The following SGCD variants were observed in gnomAD, a reference collection of about 807,000 sequenced individuals.
SGCD encodes sarcoglycan delta.
Under a neutral mutation model 36.6 loss-of-function variants are expected in SGCD, and 18 were observed. The ratio of observed to expected loss-of-function variants is 0.49; its 90% CI spans 0.34 to 0.73. The LOEUF (loss-of-function observed/expected upper bound fraction) is 0.73. Ranked by LOEUF, SGCD falls within the 30% of genes least tolerant of loss-of-function variation. SGCD has a pLI of 0.01. For missense variants in SGCD, 387 were observed against 346.7 expected, an observed-to-expected ratio of 1.12 and a Z score of -0.92; for synonymous variants, 133 against 130.6, an observed-to-expected ratio of 1.02 and a Z score of -0.12.
intron 1 of SGCD, among the ~76,000 whole-genome samples, chr5:155,969,273 A>C (rs575664414): frequency 6.6e-6 from 1 of 152,142 alleles, no homozygotes; most frequent in Non-Finnish European, 1.5e-5. Context: ...ACTGATACAA[A>C]TATGCAAAAG....
At chr5:156,661,758 G>A (rs1418470684) in intron 7 of SGCD, among the ~76,000 whole-genome samples, 1 of 151,548 alleles carries the variant, frequency 6.6e-6, no homozygotes, top group Non-Finnish European at 1.5e-5. Context: ...CCATGCACCA[G>A]AATTGATAAA....
intron 4 of SGCD, among the ~76,000 whole-genome samples, chr5:156,582,818 C>T (rs924542809): frequency 1.1e-3 from 162 of 141,724 alleles, no homozygotes; most frequent in African/African-American, 1.7e-3. Flanking sequence ...CGCATGTGCA[C>T]GCGCACACAC....
At chr5:156,622,070 A>G (rs572253414) in intron 6 of SGCD, among the ~76,000 whole-genome samples, 27 of 152,322 alleles carry the variant, frequency 1.8e-4, no homozygotes, top group African/African-American at 6.5e-4. Context: ...TAAAATTCAC[A>G]TACACAATTT....
At chr5:156,184,572 G>A (rs1763690853) in intron 3 of SGCD, among the ~76,000 whole-genome samples, 1 of 152,004 alleles carries the variant, frequency 6.6e-6, no homozygotes, top group African/African-American at 2.4e-5. Flanking sequence ...ATATTTATGA[G>A]ACTTCTTAAA....
intron 1 of SGCD, among the ~76,000 whole-genome samples, chr5:155,931,057 T>C (rs543051050): frequency 2.0e-4 from 30 of 152,310 alleles, no homozygotes; most frequent in Middle Eastern, 3.4e-3. Context: ...CATTTATAAA[T>C]GGTTGCATGG....
chr5:156,289,156 T>C (rs987535153), intron 3 of SGCD, among the ~76,000 whole-genome samples: 2 of 152,120 alleles, frequency 1.3e-5, no homozygotes, highest in Non-Finnish European at 2.9e-5. Flanking sequence ...ACACTGTGTG[T>C]ATTGATCCCC....
chr5:156,045,839 G>GC (rs1160271982), intron 1 of SGCD, among the ~76,000 whole-genome samples: 6 of 151,978 alleles, frequency 3.9e-5, no homozygotes, highest in African/African-American at 9.7e-5. Flanking sequence ...TTCCTTAGAG[G>GC]CCCCCCTCCA....
chr5:155,986,608 G>A (rs1010937418), intron 1 of SGCD, among the ~76,000 whole-genome samples: 33 of 152,184 alleles, frequency 2.2e-4, no homozygotes, highest in African/African-American at 7.0e-4. Flanking sequence ...AAGCTTTTAG[G>A]TCAGAGGCTG....
chr5:156,757,485 C>T (rs1232380133), intron 7 of SGCD, 96 bp from the exon 8 acceptor site: 41 of 777,568 alleles, frequency 5.3e-5, no homozygotes, highest in Non-Finnish European at 7.3e-5. Context: ...TGATCAAATA[C>T]TGGAATGCTT....
At chr5:156,023,581 C>T (rs1385481648) in intron 1 of SGCD, among the ~76,000 whole-genome samples, 1 of 152,222 alleles carries the variant, frequency 6.6e-6, no homozygotes, top group Non-Finnish European at 1.5e-5. Flanking sequence ...GCACTAGTCA[C>T]TTCTCTCAAG....
the SGCD span, among the ~76,000 whole-genome samples, chr5:155,753,614 C>T: frequency 6.6e-6 from 1 of 152,138 alleles, no homozygotes; most frequent in Admixed American, 6.5e-5. Flanking sequence ...CTGCCTTATT[C>T]TGACCAGGAG....
chr5:156,733,113 G>C (rs747086271), intron 7 of SGCD, among the ~76,000 whole-genome samples: 2 of 151,936 alleles, frequency 1.3e-5, no homozygotes, highest in Non-Finnish European at 2.9e-5. Context: ...TTTGAGGTTT[G>C]TTTGCTCTTG....
intron 3 of SGCD, among the ~76,000 whole-genome samples, chr5:156,161,158 A>C (rs900227277): frequency 6.6e-6 from 1 of 151,734 alleles, no homozygotes. Context: ...TATTTTTGAA[A>C]CTAAGGGAAT....
chr5:156,515,505 G>A (rs988841762), intron 4 of SGCD, among the ~76,000 whole-genome samples: 2 of 152,160 alleles, frequency 1.3e-5, no homozygotes. Context: ...CACAGAGAGT[G>A]AGGATAAGCA....
intron 3 of SGCD, among the ~76,000 whole-genome samples, chr5:156,388,271 C>T (rs1011213770): frequency 6.6e-6 from 1 of 152,090 alleles, no homozygotes; most frequent in Non-Finnish European, 1.5e-5. Flanking sequence ...TTAAAAAAGC[C>T]TCCCTATGAT....
In SGCD at chr5:155,887,772, T is replaced by C. The variant is rs555180902; in HGVS notation, c.-282+17348T>C. ...TTTACCAGACTTCTAAGCTAGAGAG[T>C]TATTTCCTATTCCCTTCTCTCCATC... On this transcript the variant is annotated intron_variant, in intron 1 of 9. Transcript: ENST00000517913. 1.1e-4 allele frequency among the ~76,000 whole-genome samples: 17 copies of C among 152,226 alleles called. No individual in the cohort carries two copies. In the East Asian group the frequency reaches 3.3e-3, roughly 29 times the overall value.
intron 6 of SGCD, among the ~76,000 whole-genome samples, chr5:156,623,218 C>T (rs570543690): frequency 3.3e-5 from 5 of 152,212 alleles, no homozygotes; most frequent in Admixed American, 2.6e-4. Context: ...GCAGTGGGCA[C>T]TGTGTGTCAC....
rs550421549 is a variant in SGCD, at chr5:156,130,728, C to CT, written c.-44+6719dup. Among the ~76,000 whole-genome samples, 244 of 149,120 alleles carry CT rather than the reference C, an allele frequency of 1.6e-3. 1 individual carries two copies. Among genetic ancestry groups the CT allele is most frequent in the Non-Finnish European group, 2.8e-3 (187 of 66,982 alleles). On this transcript the variant is annotated intron_variant, in intron 3 of 9. Coordinates refer to the SGCD transcript ENST00000517913. ...TTTCTCGTTTTTCTTTTCTTTCTTT[C>CT]TTTTTTTTTTCTTTTGAGATGGAGT...
At chr5:156,666,911 C>T (rs1753066085) in intron 7 of SGCD, among the ~76,000 whole-genome samples, 1 of 152,166 alleles carries the variant, frequency 6.6e-6, no homozygotes, top group Non-Finnish European at 1.5e-5. Context: ...CATGCCACTG[C>T]ACCCCAGCCT....
Sources: allele counts gnomAD v4.1 joint callset (sites outside exome capture counted in the v4.1 genomes callset), GRCh38; gene constraint gnomAD v4.1.1; transcripts MANE v1.5; gene names NCBI Gene and HGNC (gene_info 2026-07-23, HGNC 2026-07-21).